MSH3: variants seen among roughly 807,000 people sequenced by gnomAD.
MSH3 encodes the protein mutS homolog 3.
MSH3 carries 106 observed loss-of-function variants against 123.3 expected under a neutral mutation model. The ratio of observed to expected loss-of-function variants is 0.86; its 90% CI spans 0.73 to 1.01. The LOEUF (loss-of-function observed/expected upper bound fraction) is 1.01, where lower values mean the gene tolerates loss of function less well. Among genes scored for constraint, MSH3 ranks in the 50% least tolerant of loss-of-function variants. The pLI, the probability that MSH3 is intolerant of heterozygous loss-of-function variation, is 0.00. For missense variants in MSH3, 1,459 were observed against 1,347.6 expected (o/e 1.08, Z -1.29); for synonymous variants, 515 against 481.4 (o/e 1.07, Z -0.91).
chr5:80,694,951 A>AT (rs1399062034), intron 8 of MSH3, among the ~76,000 whole-genome samples: 1 of 146,454 alleles, frequency 6.8e-6, no homozygotes, highest in East Asian at 2.0e-4. Context: ...CATGGAACAT[A>AT]TATCTTTGGC....
At chr5:80,802,006 T>C (rs1389983762) in intron 19 of MSH3, among the ~76,000 whole-genome samples, 5 of 152,200 alleles carry the variant, frequency 3.3e-5, no homozygotes, top group Admixed American at 6.5e-5. Context: ...ATACTTGACA[T>C]AGTATGCATT....
intron 3 of MSH3, among the ~76,000 whole-genome samples, chr5:80,666,389 C>G (rs565905022): frequency 6.6e-6 from 1 of 152,236 alleles, no homozygotes; most frequent in African/African-American, 2.4e-5. Context: ...TTCAAGATTT[C>G]ACACCTTTCC....
intron 8 of MSH3, 151 bp from the exon 9 acceptor site, chr5:80,725,302 T>C (rs762135102): frequency 2.0e-5 from 12 of 601,728 alleles, no homozygotes; most frequent in Non-Finnish European, 3.2e-5. Flanking sequence ...CAGAGAAACT[T>C]TAGCTCTTTC....
At position 80,781,877 on chromosome 5, in the gene MSH3, T is replaced by A. The variant is rs545924875; in HGVS notation, c.2435+3041T>A. ...TGACCCAGGAGTTTTTATTATATTA[T>A]CCCTAGGCTGTAATTGAGAGTTGCG... On this transcript the variant is annotated intron_variant, in intron 17 of 23. Transcript: ENST00000265081. 5.3e-5 allele frequency among the ~76,000 whole-genome samples: 8 copies of A among 152,258 alleles called. No homozygotes were observed. The East Asian group carries it at 1.5e-3, about 29-fold the overall frequency.
At chr5:80,685,176 G>A (rs1204367437) in intron 8 of MSH3, among the ~76,000 whole-genome samples, 6 of 146,184 alleles carry the variant, frequency 4.1e-5, no homozygotes, top group African/African-American at 1.5e-4. Context: ...TACTGGCCTC[G>A]TAGAATGAGT....
At chr5:80,845,395 C>G (rs245362) in intron 20 of MSH3, among the ~76,000 whole-genome samples, 1 of 151,822 alleles carries the variant, frequency 6.6e-6, no homozygotes, top group Non-Finnish European at 1.5e-5. Flanking sequence ...TTGCTCTTCT[C>G]GAGGAGTATC....
intron 8 of MSH3, among the ~76,000 whole-genome samples, chr5:80,718,313 C>A (rs1357942952): frequency 6.6e-6 from 1 of 152,170 alleles, no homozygotes; most frequent in East Asian, 1.9e-4. Context: ...AGACAAAGGT[C>A]TTGCTATGTT....
At chr5:80,656,632 T>G in intron 2 of MSH3, 101 bp downstream of exon 2, 1 of 1,537,442 alleles carries the variant, frequency 6.5e-7, no homozygotes, top group Admixed American at 1.8e-5. Flanking sequence ...CTTTTTTCTT[T>G]GTGGAGAAAG....
At chr5:80,659,285 G>C (rs1178154832) in intron 2 of MSH3, among the ~76,000 whole-genome samples, 1 of 151,222 alleles carries the variant, frequency 6.6e-6, no homozygotes, top group African/African-American at 2.4e-5. Flanking sequence ...CATTTAGCAT[G>C]CACAATTCGG....
intron 20 of MSH3, among the ~76,000 whole-genome samples, chr5:80,834,270 T>G (rs1269381033): frequency 6.6e-6 from 1 of 152,144 alleles, no homozygotes; most frequent in Non-Finnish European, 1.5e-5. Flanking sequence ...CTAATAGTCC[T>G]GGGTTCTTAA....
At chr5:80,865,094 T>A in intron 22 of MSH3, 152 bp downstream of exon 22, 1 of 806,742 alleles carries the variant, frequency 1.2e-6, no homozygotes, top group Non-Finnish European at 2.1e-6. Flanking sequence ...TGCTAAGCTT[T>A]AGGTCAAGTA....
chr5:80,840,823 C>T (rs1745608680), intron 20 of MSH3, among the ~76,000 whole-genome samples: 1 of 151,848 alleles, frequency 6.6e-6, no homozygotes, highest in South Asian at 2.1e-4. Flanking sequence ...CAACACCCAC[C>T]TATGAGTGAG....
intron 20 of MSH3, among the ~76,000 whole-genome samples, chr5:80,843,880 A>G (rs1389490706): frequency 6.6e-6 from 1 of 151,874 alleles, no homozygotes; most frequent in East Asian, 1.9e-4. Context: ...GACTTTTTGA[A>G]GGATTTTTTC....
At chr5:80,716,342 T>G (rs560386718) in intron 8 of MSH3, among the ~76,000 whole-genome samples, 5 of 152,320 alleles carry the variant, frequency 3.3e-5, no homozygotes, top group African/African-American at 1.2e-4. Flanking sequence ...AAAGGTCGAT[T>G]CTTAAAAGAA....
At chr5:80,734,878 C>T (rs1413316993) in intron 10 of MSH3, among the ~76,000 whole-genome samples, 1 of 152,200 alleles carries the variant, frequency 6.6e-6, no homozygotes, top group Non-Finnish European at 1.5e-5. Context: ...TTTCCTCTCT[C>T]AGGGTCACGG....
At chr5:80,693,649 A>ACAC (rs1750400115) in intron 8 of MSH3, among the ~76,000 whole-genome samples, 1 of 149,732 alleles carries the variant, frequency 6.7e-6, no homozygotes, top group African/African-American at 2.5e-5. Flanking sequence ...ACACACACAC[A>ACAC]AACACATATA....
chr5:80,863,531 C>T (rs980696647), intron 21 of MSH3, among the ~76,000 whole-genome samples: 4 of 151,766 alleles, frequency 2.6e-5, no homozygotes, highest in Admixed American at 6.6e-5. Flanking sequence ...ATTAGCCAGG[C>T]GTGGTGGCGG....
In MSH3 at chr5:80,672,754, A is replaced by T. The variant is rs746243211; in HGVS notation, c.923A>T (p.Lys308Met). ...VAKGYKVGVV[K>M]QTETAALKAI... Reference sequence around the variant, plus strand: ...TTTTTGTTGAAGGTGGGAGTTGTGAAGCAAACTGAAACTGCAGCATTAAAG... The same window carrying T: ...TTTTTGTTGAAGGTGGGAGTTGTGATGCAAACTGAAACTGCAGCATTAAAG... The change falls in exon 6 of 24, where the codon AAG (lysine) becomes ATG (methionine). Residue 308 changes from lysine (K) to methionine (M), a missense_variant. By Grantham distance (95) the Lys-to-Met change is moderately conservative. Coordinates refer to ENST00000265081, the MANE Select transcript of MSH3 (RefSeq NM_002439.5). 133 of 1,613,978 alleles carry T rather than the reference A, an allele frequency of 8.2e-5. No individual in the cohort carries two copies. The highest frequency in any genetic ancestry group is 3.3e-4 in the Middle Eastern group (2 of 6,062).
chr5:80,824,485 A>G (rs978107569), intron 20 of MSH3, among the ~76,000 whole-genome samples: 77 of 151,994 alleles, frequency 5.1e-4, no homozygotes, highest in African/African-American at 1.8e-3. Context: ...GGACTGGGGC[A>G]TGGTCTGGAA....
Sources: allele counts gnomAD v4.1 joint callset (sites outside exome capture counted in the v4.1 genomes callset), GRCh38; gene constraint gnomAD v4.1.1; transcripts MANE v1.5; gene names NCBI Gene and HGNC (gene_info 2026-07-23, HGNC 2026-07-21).